Variants in TPCN2 observed in about 807,000 individuals in gnomAD.
The protein encoded by TPCN2 is two pore segment channel 2.
In TPCN2, 92 loss-of-function variants were observed where a neutral mutation model predicts 111.4. That is an observed-to-expected ratio of 0.83 (90% CI 0.70 to 0.98). The LOEUF is 0.98. Among genes scored for constraint, TPCN2 ranks in the 50% least tolerant of loss-of-function variants. The probability of loss-of-function intolerance (pLI) is 0.00; values close to 1 mark genes in which losing one functional copy is unlikely to be tolerated. For synonymous variants in TPCN2, 405 were observed against 414.5 expected, an observed-to-expected ratio of 0.98 and a Z score of 0.28; for missense variants, 995 against 980.1, an observed-to-expected ratio of 1.02 and a Z score of -0.20.
intron 17 of TPCN2, among the ~76,000 whole-genome samples, chr11:69,080,982 A>G (rs1286314612): frequency 6.6e-6 from 1 of 152,052 alleles, no homozygotes; most frequent in East Asian, 1.9e-4. Flanking sequence ...CGATGGGGGC[A>G]GGAACCAGGG....
At chr11:69,058,569 G>C (rs1363012350) in intron 5 of TPCN2, among the ~76,000 whole-genome samples, 1 of 152,268 alleles carries the variant, frequency 6.6e-6, no homozygotes, top group South Asian at 2.1e-4. Context: ...GAACAGCCTA[G>C]TGAGTGCATC....
Position 69,086,440 on chromosome 11 carries a change from C to T in TPCN2, c.2004-83C>T, listed in dbSNP as rs1326848147. On this transcript the variant is annotated intron_variant, in intron 22 of 24. Transcript: ENST00000294309. ...GTGGGCCGGCTGCCCGAGAGCTGTC[C>T]TGGCCACGCAGCAGTGGTGTTTGTA... 3 of 1,178,738 alleles carry T rather than the reference C, an allele frequency of 2.5e-6. No homozygotes were observed. The African/African-American group carries it at 4.5e-5, about 18-fold the overall frequency. 73.0% of individuals were successfully genotyped at this position (1,178,738 alleles called of 1,614,324 possible).
Position 69,087,980 on chromosome 11 carries a change from C to T in TPCN2, c.*27C>T, listed in dbSNP as rs529330835. The T allele has an allele frequency of 9.6e-5, 153 of 1,589,298 alleles. No individual in the cohort carries two copies. The highest frequency in any genetic ancestry group is 2.2e-4 in the Middle Eastern group (1 of 4,464). The stretch of plus-strand genomic sequence containing the variant: ...GTCCGGGCTGCCGTCCCAGCAGGGG[C>T]GGCAGGAGAGAGAGGCTGGCCTACA... On this transcript the variant is annotated 3_prime_UTR_variant, in exon 25 of 25. Coordinates refer to ENST00000294309, the MANE Select transcript of TPCN2 (RefSeq NM_139075.4).
chr11:69,065,409 G>A (rs1055957965), intron 7 of TPCN2, among the ~76,000 whole-genome samples: 6 of 152,198 alleles, frequency 3.9e-5, no homozygotes, highest in African/African-American at 1.4e-4. Flanking sequence ...ACCTGGAAGG[G>A]TTGGCTCCTC....
intron 10 of TPCN2, among the ~76,000 whole-genome samples, chr11:69,071,686 G>C (rs895363212): frequency 6.6e-6 from 1 of 152,118 alleles, no homozygotes; most frequent in Admixed American, 6.5e-5. Context: ...GGAGAAACGC[G>C]GCCCAGCATA....
At chr11:69,086,444 C>A in intron 22 of TPCN2, 79 bp from the exon 23 acceptor site, 1 of 1,212,170 alleles carries the variant, frequency 8.2e-7, no homozygotes, top group Non-Finnish European at 1.2e-6. Context: ...GCTGTCCTGG[C>A]CACGCAGCAG....
chr11:69,078,339 A>G, intron 13 of TPCN2, 143 bp from the exon 14 acceptor site: 1 of 1,064,346 alleles, frequency 9.4e-7, no homozygotes, highest in East Asian at 2.6e-5. Context: ...TGTGTCTGGG[A>G]TTATTTCCTG....
intron 2 of TPCN2, 199 bp downstream of exon 2, chr11:69,054,296 GCT>G: frequency 1.7e-6 from 1 of 597,068 alleles, no homozygotes; most frequent in Non-Finnish European, 3.0e-6. Flanking sequence ...CGCATTTGCT[GCT>G]TTGATGCACC....
At chr11:69,086,867 TG>T (rs1414477081) in intron 23 of TPCN2, among the ~76,000 whole-genome samples, 1 of 152,090 alleles carries the variant, frequency 6.6e-6, no homozygotes, top group African/African-American at 2.4e-5. Flanking sequence ...GCTGGGGCCT[TG>T]GGGGGTGCTC....
chr11:69,054,755 C>CCCTCCTCAA lies in TPCN2; in HGVS notation c.209_210insCCTCCTCAA (p.Ser70_Met71insLeuLeuLys), dbSNP rs1854678284. On this transcript the variant is annotated inframe_insertion, in exon 3 of 25. Transcript: ENST00000294309. ...ATCAACCACCGGGTGGATGCCAGCT[C>CCCTCCTCAA]GATGTGGCTTTACCGACGGTATTAC... 1 of 1,614,014 alleles carries CCCTCCTCAA rather than the reference C, an allele frequency of 6.2e-7. No homozygotes were observed. Among genetic ancestry groups the CCCTCCTCAA allele is most frequent in the Non-Finnish European group, 8.5e-7 (1 of 1,180,012 alleles).
Position 69,085,843 on chromosome 11 carries a change from CG to C in TPCN2, c.1921-4del. 1.2e-6 allele frequency: 2 copies of C among 1,614,182 alleles called. No individual in the cohort carries two copies. Among genetic ancestry groups the C allele is most frequent in the South Asian group, 2.2e-5 (2 of 91,084 alleles). ...CTCCTGGACCGCTGGTCTCTGCCCC[CG>C]CAGGCTGCCCTGGTCACTCTGTGGA... On this transcript the variant is annotated splice_polypyrimidine_tract_variant and splice_region_variant and intron_variant, in intron 21 of 24. Transcript: ENST00000294309.
chr11:69,065,792 C>T (rs991725327), intron 7 of TPCN2, among the ~76,000 whole-genome samples: 1 of 152,136 alleles, frequency 6.6e-6, no homozygotes, highest in African/African-American at 2.4e-5. Flanking sequence ...TCCCAGCAGC[C>T]GTGATGGTGC....
chr11:69,069,279 G>A (rs1452302296), intron 8 of TPCN2, among the ~76,000 whole-genome samples: 4 of 69,896 alleles, frequency 5.7e-5, no homozygotes, highest in African/African-American at 2.0e-4. Flanking sequence ...TGACCGCACT[G>A]GGAGCAGGAC....
chr11:69,063,992 G>T (rs1396331474), intron 7 of TPCN2, 25 bp downstream of exon 7: 2 of 1,610,396 alleles, frequency 1.2e-6, no homozygotes, highest in Non-Finnish European at 8.5e-7. Flanking sequence ...GTCAGGGTCT[G>T]GGAATGGGGC....
rs772354663 is a variant in TPCN2 at position 69,087,226 on chromosome 11, G to A, written c.2180+20G>A. 3.9e-5 allele frequency: 63 copies of A among 1,608,082 alleles called. No individual in the cohort carries two copies. The highest frequency in any genetic ancestry group is 1.6e-4 in the African/African-American group (12 of 74,766). On this transcript the variant is annotated intron_variant, in intron 24 of 24. Transcript: ENST00000294309. ...GTTCAGGTGTGTGGGTGGGGAAGGC[G>A]CTTCTGTCTGGCCCCCTGGGATGGG... is the stretch of plus-strand genomic sequence containing the variant.
At position 69,078,621 on chromosome 11, in the gene TPCN2, A is replaced by G. The variant is rs757876833; in HGVS notation, c.1350+20A>G. On this transcript the variant is annotated intron_variant, in intron 14 of 24. Coordinates refer to ENST00000294309, the MANE Select transcript of TPCN2 (RefSeq NM_139075.4). The stretch of plus-strand genomic sequence containing the variant: ...ATTTGCGTGAGTGTGGATTTGCCCC[A>G]GAGCTGGCACGGAAGTGCCGGTTCC... 1.2e-6 allele frequency: 2 copies of G among 1,613,842 alleles called. No homozygotes were observed. The highest frequency in any genetic ancestry group is 1.7e-6 in the Non-Finnish European group (2 of 1,180,002).
At chr11:69,064,833 C>A (rs1168707594) in intron 7 of TPCN2, among the ~76,000 whole-genome samples, 2 of 152,080 alleles carry the variant, frequency 1.3e-5, no homozygotes, top group Non-Finnish European at 2.9e-5. Flanking sequence ...TGTCTGTGTG[C>A]ATGTTTGTTT....
In TPCN2 at chr11:69,055,320, C is replaced by G. The variant is rs1854705885; in HGVS notation, c.397C>G (p.Leu133Val). 1.2e-6 allele frequency: 2 copies of G among 1,612,622 alleles called. No individual in the cohort carries two copies. Among genetic ancestry groups the G allele is most frequent in the East Asian group, 2.2e-5 (1 of 44,884 alleles). Residue 133 changes from leucine (L) to valine (V), a missense_variant, in exon 4 of 25, where the codon CTG (leucine) becomes GTG (valine). Coordinates refer to ENST00000294309, the MANE Select transcript of TPCN2 (RefSeq NM_139075.4). ...GLTESVEVLC[L>V]LVFAADLSVK... is the part of the protein sequence containing the mutation. ...GACCGAGAGTGTCGAGGTGCTCTGC[C>G]TGCTGGTCTTTGCGGCCGACCTCTC...
chr11:69,079,056 G>A, intron 16 of TPCN2, 36 bp downstream of exon 16: 1 of 1,575,920 alleles, frequency 6.3e-7, no homozygotes, highest in Admixed American at 1.7e-5. Flanking sequence ...CCTCTACTGG[G>A]CGGGTGGGTG....
Sources: gnomAD v4.1 joint callset for allele counts (sites outside exome capture counted in the v4.1 genomes callset) on GRCh38, gnomAD v4.1.1 for gene constraint, MANE v1.5 for transcripts, NCBI Gene and HGNC (gene_info 2026-07-23, HGNC 2026-07-21) for gene names.